Variants in PTCHD4 observed in about 807,000 individuals in gnomAD.
The protein encoded by PTCHD4 is patched domain-containing protein 4.
Under a neutral mutation model 58.1 loss-of-function variants are expected in PTCHD4, and 33 were observed. The ratio of observed to expected loss-of-function variants is 0.57; its 90% CI spans 0.43 to 0.76. The LOEUF (loss-of-function observed/expected upper bound fraction) is 0.76. PTCHD4 is among the 30% of genes least tolerant of loss of function. The probability of loss-of-function intolerance (pLI) is 0.00; values close to 1 mark genes in which losing one functional copy is unlikely to be tolerated. For missense variants in PTCHD4, 1,058 were observed against 1,027.1 expected, an observed-to-expected ratio of 1.03 and a Z score of -0.41; for synonymous variants, 478 against 409.6, an observed-to-expected ratio of 1.17 and a Z score of -2.02.
At position 48,068,882 on chromosome 6, in the gene PTCHD4, G is replaced by A. The variant is rs1353139555; in HGVS notation, c.5+71C>T. On this transcript the variant is annotated intron_variant, in intron 2 of 4. Transcript: ENST00000339488. The surrounding 1 kb of genome is among the most constrained non-coding windows in gnomAD (Gnocchi z 4.2). Reference sequence around the variant, plus strand: ...ACCGACAGCGCGCGTGGGGGCGGGCGGCGGGCGCCGCGGGGCCCACCCCCT... The same window carrying A: ...ACCGACAGCGCGCGTGGGGGCGGGCAGCGGGCGCCGCGGGGCCCACCCCCT... Among the ~76,000 whole-genome samples the A allele has an allele frequency of 1.3e-5, 2 of 151,542 alleles. No homozygotes were observed. Among genetic ancestry groups the A allele is most frequent in the Admixed American group, 6.6e-5 (1 of 15,240 alleles).
intron 4 of PTCHD4, among the ~76,000 whole-genome samples, chr6:47,933,190 A>G (rs1294552190): frequency 6.6e-6 from 1 of 152,178 alleles, no homozygotes; most frequent in Non-Finnish European, 1.5e-5. Context: ...TGACATCTGA[A>G]ATGAAAATCC....
chr6:47,939,944 T>C (rs1374266634), intron 4 of PTCHD4, among the ~76,000 whole-genome samples: 1 of 152,068 alleles, frequency 6.6e-6, no homozygotes, highest in African/African-American at 2.4e-5. Context: ...ATAATATTAC[T>C]TGAAATTTTA....
chr6:48,040,247 T>C (rs1446242429), intron 3 of PTCHD4, among the ~76,000 whole-genome samples: 1 of 152,094 alleles, frequency 6.6e-6, no homozygotes, highest in Non-Finnish European at 1.5e-5. Context: ...TCTATATTCT[T>C]GTTACATCTT....
intron 4 of PTCHD4, among the ~76,000 whole-genome samples, chr6:47,907,324 A>G (rs1211759719): frequency 6.6e-6 from 1 of 152,174 alleles, no homozygotes; most frequent in Non-Finnish European, 1.5e-5. Context: ...GGCTTTGTTA[A>G]TGATTATAAT....
chr6:48,047,823 T>G (rs1036956000), intron 3 of PTCHD4, among the ~76,000 whole-genome samples: 9 of 151,814 alleles, frequency 5.9e-5, no homozygotes, highest in Admixed American at 5.9e-4. Flanking sequence ...TGATAGTGCC[T>G]TGGTCTTGAT....
chr6:47,898,347 T>C (rs1419995382), intron 4 of PTCHD4, among the ~76,000 whole-genome samples: 2 of 152,204 alleles, frequency 1.3e-5, no homozygotes, highest in Non-Finnish European at 2.9e-5. Flanking sequence ...AGACTTGTTG[T>C]GTAATATTAA....
Position 47,862,920 on chromosome 6 carries a change from G to A in PTCHD4, c.*15383C>T, listed in dbSNP as rs1763465881. Among the ~76,000 whole-genome samples the A allele has an allele frequency of 6.6e-6, 1 of 151,824 alleles. No individual in the cohort carries two copies. The highest frequency in any genetic ancestry group is 2.1e-4 in the South Asian group (1 of 4,828). The stretch of plus-strand genomic sequence containing the variant: ...TAATGACCCATGGTCAATTATATCT[G>A]GGAAATCAAATACTGTCTTTATGCT... On this transcript the variant is annotated 3_prime_UTR_variant, in exon 5 of 5. Coordinates refer to ENST00000339488, the MANE Select transcript of PTCHD4 (RefSeq NM_001384253.1).
intron 4 of PTCHD4, among the ~76,000 whole-genome samples, chr6:47,979,808 G>T (rs1335084605): frequency 6.6e-6 from 1 of 151,924 alleles, no homozygotes; most frequent in Admixed American, 6.6e-5. Flanking sequence ...GCACTATAGA[G>T]ATCTGAAATC....
At chr6:47,882,741 G>GATTATATATATATATATATATATATATAT (rs1764057375) in intron 4 of PTCHD4, among the ~76,000 whole-genome samples, 2 of 102,374 alleles carry the variant, frequency 2.0e-5, no homozygotes, top group African/African-American at 6.3e-5. Flanking sequence ...TGATTCCAGT[G>GATTATATATATATATATATATATATATAT]ATATATATAT....
chr6:48,000,191 C>T (rs1228645717), intron 4 of PTCHD4, among the ~76,000 whole-genome samples: 1 of 152,176 alleles, frequency 6.6e-6, no homozygotes, highest in Admixed American at 6.5e-5. Flanking sequence ...TCCTGACCCA[C>T]ATCAAACTGA....
intron 4 of PTCHD4, among the ~76,000 whole-genome samples, chr6:47,890,466 G>A (rs1249443717): frequency 1.3e-5 from 2 of 152,040 alleles, no homozygotes; most frequent in East Asian, 3.8e-4. Flanking sequence ...AAGCCTCCAC[G>A]TATCTGTTTC....
rs370791406 is a variant in PTCHD4 at position 47,958,199 on chromosome 6, A to G, written c.898+50435T>C. The stretch of plus-strand genomic sequence containing the variant: ...AGGAAATATATGTATATTAATCAGC[A>G]TAGATTAGATTATATTGTAGTAACA... On this transcript the variant is annotated intron_variant, in intron 4 of 4. Transcript: ENST00000339488. 3.9e-5 allele frequency among the ~76,000 whole-genome samples: 6 copies of G among 152,298 alleles called. No homozygotes were observed. The East Asian group carries it at 5.8e-4, about 15-fold the overall frequency.
In PTCHD4 at chr6:47,870,711, T is replaced by C. The variant is rs1350128710; in HGVS notation, c.*7592A>G. 1.3e-5 allele frequency among the ~76,000 whole-genome samples: 2 copies of C among 151,644 alleles called. No individual in the cohort carries two copies. The highest frequency in any genetic ancestry group is 4.8e-5 in the African/African-American group (2 of 41,384). On this transcript the variant is annotated 3_prime_UTR_variant, in exon 5 of 5. Coordinates refer to ENST00000339488, the MANE Select transcript of PTCHD4 (RefSeq NM_001384253.1). ...TCTTCTATTTCACAGGAGATATTTT[T>C]GGATGGAAATACAACTTGGGTAATG... is the stretch of plus-strand genomic sequence containing the variant.
intron 4 of PTCHD4, among the ~76,000 whole-genome samples, chr6:48,007,818 C>T (rs1160389690): frequency 6.6e-6 from 1 of 152,058 alleles, no homozygotes; most frequent in African/African-American, 2.4e-5. Flanking sequence ...CTTGCTGAAC[C>T]AACAGCTATC....
rs182825905 is a variant in PTCHD4 at position 48,019,274 on chromosome 6, G to A, written c.418-10160C>T. 7.9e-5 allele frequency among the ~76,000 whole-genome samples: 12 copies of A among 152,322 alleles called. 1 individual carries two copies. The East Asian group carries it at 1.5e-3, about 20-fold the overall frequency. ...GAAAGATTCAGTGAGCACATGCTCTGTGCTATACCGCTATCGAGGATAGAG... is the reference window on the plus strand; with the variant it reads ...GAAAGATTCAGTGAGCACATGCTCTATGCTATACCGCTATCGAGGATAGAG... On this transcript the variant is annotated intron_variant, in intron 3 of 4. Coordinates refer to ENST00000339488, the MANE Select transcript of PTCHD4 (RefSeq NM_001384253.1).
At chr6:47,940,495 G>A (rs888556876) in intron 4 of PTCHD4, among the ~76,000 whole-genome samples, 9 of 152,294 alleles carry the variant, frequency 5.9e-5, no homozygotes, top group African/African-American at 2.2e-4. Flanking sequence ...GTTCCCCAGA[G>A]TCATTCAGCT....
At chr6:47,950,765 G>A (rs569362187) in intron 4 of PTCHD4, among the ~76,000 whole-genome samples, 2 of 152,268 alleles carry the variant, frequency 1.3e-5, no homozygotes, top group African/African-American at 4.8e-5. Context: ...GGGACTCTAT[G>A]AGGTCACCAA....
At chr6:47,898,648 C>G (rs1172860215) in intron 4 of PTCHD4, among the ~76,000 whole-genome samples, 2 of 152,174 alleles carry the variant, frequency 1.3e-5, no homozygotes, top group African/African-American at 4.8e-5. Context: ...ATGAGTTGAT[C>G]AGTTTGCTTG....
chr6:48,078,362 A>C (rs1765098753), intron 1 of PTCHD4, among the ~76,000 whole-genome samples: 1 of 152,228 alleles, frequency 6.6e-6, no homozygotes, highest in African/African-American at 2.4e-5. Context: ...AAAAAGATGG[A>C]AACTGTAAAA....
Sources: gnomAD v4.1 joint callset for allele counts (sites outside exome capture counted in the v4.1 genomes callset) on GRCh38, gnomAD v4.1.1 for gene constraint, Gnocchi (gnomAD v3.1) non-coding constraint, MANE v1.5 for transcripts, NCBI Gene and HGNC (gene_info 2026-07-23, HGNC 2026-07-21) for gene names.